The following EPC1 variants were observed in gnomAD, a reference collection of about 807,000 sequenced individuals.
The protein encoded by EPC1 is enhancer of polycomb 1, also known as enhancer of polycomb homolog 1.
EPC1 carries 12 observed loss-of-function variants against 98.4 expected under a neutral mutation model. The observed-to-expected ratio is 0.12, with a 90% CI of 0.08 to 0.20. The LOEUF (loss-of-function observed/expected upper bound fraction) is 0.20, where lower values mean the gene tolerates loss of function less well. Among genes scored for constraint, EPC1 ranks in the 10% least tolerant of loss-of-function variants. The pLI, the probability that EPC1 is intolerant of heterozygous loss-of-function variation, is 1.00. For missense variants in EPC1, 729 were observed against 990.5 expected (o/e 0.74, Z 3.54); for synonymous variants, 357 against 363.9 (o/e 0.98, Z 0.21).
chr10:32,337,878 T>C (rs1838071929), intron 1 of EPC1, among the ~76,000 whole-genome samples: 1 of 152,178 alleles, frequency 6.6e-6, no homozygotes, highest in Admixed American at 6.5e-5. Context: ...TAAATTACTT[T>C]CCCATACTTT....
intron 1 of EPC1, among the ~76,000 whole-genome samples, chr10:32,355,627 T>C (rs1839250963): frequency 9.6e-6 from 1 of 103,690 alleles, no homozygotes; most frequent in Non-Finnish European, 2.0e-5. Context: ...TTTTTTTTTT[T>C]TTTTTTTTTT....
At chr10:32,318,432 G>A (rs139635393) in intron 1 of EPC1, among the ~76,000 whole-genome samples, 53 of 152,090 alleles carry the variant, frequency 3.5e-4, no homozygotes, top group African/African-American at 1.1e-3. Flanking sequence ...TTGTATATAC[G>A]CACCCTTGCA....
chr10:32,326,881 A>G (rs1837311080), intron 1 of EPC1, among the ~76,000 whole-genome samples: 1 of 152,036 alleles, frequency 6.6e-6, no homozygotes, highest in Non-Finnish European at 1.5e-5. Context: ...GTCTATTAGA[A>G]AGACAAAAAG....
chr10:32,358,916 G>T (rs1208460472), intron 1 of EPC1, among the ~76,000 whole-genome samples: 1 of 152,156 alleles, frequency 6.6e-6, no homozygotes, highest in East Asian at 1.9e-4. Flanking sequence ...TATAAAACTG[G>T]TAAGTTAGGG....
chr10:32,357,613 C>T (rs1188551059), intron 1 of EPC1, among the ~76,000 whole-genome samples: 1 of 152,006 alleles, frequency 6.6e-6, no homozygotes, highest in Non-Finnish European at 1.5e-5. Context: ...TGCGTGCCAC[C>T]ATGTCTGGAT....
In EPC1 at chr10:32,347,049, C is replaced by A; in HGVS notation, c.-134G>T. 6.8e-7 allele frequency: 1 copy of A among 1,467,336 alleles called. No individual in the cohort carries two copies. Among genetic ancestry groups the A allele is most frequent in the South Asian group, 1.4e-5 (1 of 73,216 alleles). 90.9% of individuals were successfully genotyped at this position (1,467,336 alleles called of 1,614,324 possible). On this transcript the variant is annotated 5_prime_UTR_variant, in exon 1 of 14. Coordinates refer to ENST00000319778, the MANE Select transcript of EPC1 (RefSeq NM_001272004.3). ...GGGGCGGAGCGCAGAGCCCGCCGTCCGGGCACTAACACCAGCCGGGAGGGT... is the reference window on the plus strand; with the variant it reads ...GGGGCGGAGCGCAGAGCCCGCCGTCAGGGCACTAACACCAGCCGGGAGGGT...
chr10:32,343,699 G>GA (rs990917776), intron 1 of EPC1, among the ~76,000 whole-genome samples: 10 of 150,832 alleles, frequency 6.6e-5, no homozygotes, highest in Admixed American at 4.6e-4. Flanking sequence ...TATTTTGGGG[G>GA]GGGGGTGTAA....
intron 10 of EPC1, among the ~76,000 whole-genome samples, chr10:32,273,678 T>G (rs1835946076): frequency 6.6e-6 from 1 of 152,214 alleles, no homozygotes; most frequent in Non-Finnish European, 1.5e-5. Context: ...TAATTACATT[T>G]GGTTTCTATT....
Position 32,346,987 on chromosome 10 carries a change from T to G in EPC1, c.-72A>C. Reference sequence around the variant, plus strand: ...CAGCGGGATCATGGAGAACCGGGGGTTCGGTCCCCACTCGCCAACCGCTGC... The same window carrying G: ...CAGCGGGATCATGGAGAACCGGGGGGTCGGTCCCCACTCGCCAACCGCTGC... On this transcript the variant is annotated 5_prime_UTR_variant, in exon 1 of 14. Transcript: ENST00000319778. 1 of 1,579,788 alleles carries G rather than the reference T, an allele frequency of 6.3e-7. No homozygotes were observed. Among genetic ancestry groups the G allele is most frequent in the Non-Finnish European group, 8.6e-7 (1 of 1,169,162 alleles).
At chr10:32,346,698 C>T (rs1838848626) in intron 1 of EPC1, 65 bp downstream of exon 1, 2 of 1,517,100 alleles carry the variant, frequency 1.3e-6, no homozygotes, top group Non-Finnish European at 1.8e-6. Flanking sequence ...TGCTGCTCCG[C>T]CGCCGCCGCA....
chr10:32,332,534 C>T (rs1240306402), intron 1 of EPC1, among the ~76,000 whole-genome samples: 1 of 152,218 alleles, frequency 6.6e-6, no homozygotes, highest in Non-Finnish European at 1.5e-5. Context: ...TTGGTACACA[C>T]TCTCTCGAGT....
chr10:32,346,502 G>A, intron 1 of EPC1: 1 of 485,088 alleles, frequency 2.1e-6, no homozygotes, highest in South Asian at 2.3e-5. Context: ...TGACCCCTTT[G>A]TGCCTTTCGG....
chr10:32,282,237 A>T, intron 10 of EPC1: 1 of 152,218 alleles, frequency 6.6e-6, no homozygotes, highest in East Asian at 1.9e-4. Context: ...CATTTTTAAA[A>T]AGTAGTATTG....
intron 1 of EPC1, among the ~76,000 whole-genome samples, chr10:32,341,043 C>T (rs1209462963): frequency 6.6e-6 from 1 of 152,160 alleles, no homozygotes; most frequent in Non-Finnish European, 1.5e-5. Flanking sequence ...TGCCCTTAGA[C>T]ACGCTCAATT....
chr10:32,298,523 C>T (rs1835304695), intron 2 of EPC1, among the ~76,000 whole-genome samples: 1 of 152,122 alleles, frequency 6.6e-6, no homozygotes, highest in South Asian at 2.1e-4. Flanking sequence ...ACTTGCAAAG[C>T]TCTTGATATC....
At chr10:32,297,896 A>C (rs968814427) in intron 2 of EPC1, among the ~76,000 whole-genome samples, 56 of 152,044 alleles carry the variant, frequency 3.7e-4, no homozygotes, top group African/African-American at 1.3e-3. Context: ...CTCCCGGATT[A>C]ACACCATTCT....
At chr10:32,272,972 C>T (rs1167049965) in intron 11 of EPC1, 191 bp downstream of exon 11, 2 of 1,552,564 alleles carry the variant, frequency 1.3e-6, no homozygotes, top group Non-Finnish European at 1.8e-6. Context: ...TTTAGTTTTA[C>T]TTTTTAAAAT....
intron 1 of EPC1, among the ~76,000 whole-genome samples, chr10:32,334,411 C>A (rs1444244561): frequency 6.7e-6 from 1 of 149,900 alleles, no homozygotes; most frequent in Non-Finnish European, 1.5e-5. Context: ...AGATGAGATT[C>A]TAGACTTTGA....
chr10:32,290,505 A>AAAAAAAAAAG (rs1554819136), intron 6 of EPC1, among the ~76,000 whole-genome samples: 1 of 77,476 alleles, frequency 1.3e-5, no homozygotes, highest in African/African-American at 5.5e-5. Context: ...AAAAAAAAAA[A>AAAAAAAAAAG]AAAGAAAGAA....
Sources: gnomAD v4.1 joint callset for allele counts (sites outside exome capture counted in the v4.1 genomes callset) on GRCh38, gnomAD v4.1.1 for gene constraint, MANE v1.5 for transcripts, NCBI Gene and HGNC (gene_info 2026-07-23, HGNC 2026-07-21) for gene names.